Variants in FAM168A observed in about 807,000 individuals in gnomAD.
FAM168A encodes the protein protein FAM168A.
Under a neutral mutation model 28.5 loss-of-function variants are expected in FAM168A, and 3 were observed. The observed-to-expected ratio is 0.11, with a 90% CI of 0.05 to 0.27. The LOEUF (loss-of-function observed/expected upper bound fraction) is 0.27. Among genes scored for constraint, FAM168A ranks in the 10% least tolerant of loss-of-function variants. FAM168A has a pLI of 1.00. For synonymous variants in FAM168A, 122 were observed against 124.2 expected (o/e 0.98, Z 0.12); for missense variants, 222 against 311.5 (o/e 0.71, Z 2.16).
At chr11:73,574,815 C>T (rs1944152584) in intron 1 of FAM168A, among the ~76,000 whole-genome samples, 1 of 149,838 alleles carries the variant, frequency 6.7e-6, no homozygotes, top group South Asian at 2.1e-4. Flanking sequence ...CCGCTCATCT[C>T]AGCCTCCCAA....
In FAM168A at chr11:73,520,156, C is replaced by T. The variant is rs1223739735; in HGVS notation, c.-18-51664G>A. 3.3e-5 allele frequency among the ~76,000 whole-genome samples: 5 copies of T among 152,156 alleles called. No individual in the cohort carries two copies. In the East Asian group the frequency reaches 9.7e-4, roughly 29 times the overall value. Reference sequence around the variant, plus strand: ...TGCCTCCCTGGTTCAAGCAATTCTCCTGCCTCAGCTTCCTAAGTAGCTGGG... The same window carrying T: ...TGCCTCCCTGGTTCAAGCAATTCTCTTGCCTCAGCTTCCTAAGTAGCTGGG... On this transcript the variant is annotated intron_variant, in intron 1 of 7. Transcript: ENST00000356467.
chr11:73,521,712 G>A (rs1943383034), intron 1 of FAM168A, among the ~76,000 whole-genome samples: 1 of 152,132 alleles, frequency 6.6e-6, no homozygotes, highest in Non-Finnish European at 1.5e-5. Flanking sequence ...CGGGGAAGGG[G>A]ACAATCTAGT....
chr11:73,433,710 C>T (rs1417080272), intron 2 of FAM168A, among the ~76,000 whole-genome samples: 2 of 152,104 alleles, frequency 1.3e-5, no homozygotes, highest in African/African-American at 4.8e-5. Flanking sequence ...TAACCATTGC[C>T]TGTTTTAGTT....
chr11:73,457,770 G>GAA (rs57333728), intron 2 of FAM168A, among the ~76,000 whole-genome samples: 6 of 106,954 alleles, frequency 5.6e-5, no homozygotes, highest in Admixed American at 3.9e-4. Context: ...AGAAAGAAAA[G>GAA]AAAAAAAAGG....
At chr11:73,594,392 C>A (rs1489901088) in intron 1 of FAM168A, among the ~76,000 whole-genome samples, 18 of 151,924 alleles carry the variant, frequency 1.2e-4, no homozygotes. Flanking sequence ...AGCCACTATG[C>A]CTGGCCAGTT....
intron 2 of FAM168A, among the ~76,000 whole-genome samples, chr11:73,451,336 C>T (rs1424367108): frequency 2.6e-5 from 4 of 152,190 alleles, no homozygotes; most frequent in African/African-American, 9.7e-5. Context: ...TCCAAACTCT[C>T]AGGTCAATTT....
chr11:73,527,613 CATT>C (rs1943464288), intron 1 of FAM168A, among the ~76,000 whole-genome samples: 2 of 152,026 alleles, frequency 1.3e-5, no homozygotes, highest in South Asian at 2.1e-4. Flanking sequence ...TTGCTATTGT[CATT>C]ATTATCATTA....
At chr11:73,484,728 A>C (rs915244481) in intron 1 of FAM168A, among the ~76,000 whole-genome samples, 3 of 145,164 alleles carry the variant, frequency 2.1e-5, no homozygotes, top group African/African-American at 7.5e-5. Context: ...ATATAGATAT[A>C]TATCGATATA....
chr11:73,564,555 A>T (rs973991966), intron 1 of FAM168A, among the ~76,000 whole-genome samples: 2 of 151,702 alleles, frequency 1.3e-5, no homozygotes, highest in Non-Finnish European at 2.9e-5. Context: ...TGGCTAACAC[A>T]GTGAAACCCC....
Position 73,547,393 on chromosome 11 carries a change from T to A in FAM168A, c.-19+50530A>T, listed in dbSNP as rs769906969. Among the ~76,000 whole-genome samples the A allele has an allele frequency of 4.6e-5, 7 of 152,126 alleles. No individual in the cohort carries two copies. The South Asian group carries it at 1.5e-3, about 32-fold the overall frequency. On this transcript the variant is annotated intron_variant, in intron 1 of 7. Transcript: ENST00000356467. ...GGATATGGAGAAACTAGAACCCTTG[T>A]GTGCTGTTGGTGGGAACATAAAATG... is the stretch of plus-strand genomic sequence containing the variant.
At position 73,417,628 on chromosome 11, in the gene FAM168A, C is replaced by T. The variant is rs1027040659; in HGVS notation, c.277+2246G>A. ...AGGCTGTAGTGCAATGGCGCAATCT[C>T]GGCTCACTGCCAGCTCCGTCTTCTG... On this transcript the variant is annotated intron_variant, in intron 4 of 7. Coordinates refer to ENST00000356467, the MANE Select transcript of FAM168A (RefSeq NM_015159.3). Among the ~76,000 whole-genome samples the T allele has an allele frequency of 5.2e-4, 77 of 148,548 alleles. 1 individual carries two copies. Among genetic ancestry groups the T allele is most frequent in the African/African-American group, 1.8e-3 (74 of 40,164 alleles).
chr11:73,572,116 T>C (rs919768432), intron 1 of FAM168A, among the ~76,000 whole-genome samples: 30 of 146,300 alleles, frequency 2.1e-4, no homozygotes, highest in Non-Finnish European at 3.3e-4. Flanking sequence ...GTCTGGGAAG[T>C]GAGGAGCGTT....
chr11:73,453,117 G>A (rs556738458), intron 2 of FAM168A, among the ~76,000 whole-genome samples: 1 of 152,224 alleles, frequency 6.6e-6, no homozygotes, highest in South Asian at 2.1e-4. Flanking sequence ...CATCAATCCA[G>A]AGATGAATTC....
At chr11:73,439,624 C>G (rs1164802853) in intron 2 of FAM168A, among the ~76,000 whole-genome samples, 1 of 152,046 alleles carries the variant, frequency 6.6e-6, no homozygotes, top group Non-Finnish European at 1.5e-5. Flanking sequence ...AATATCTCTG[C>G]AGTTCCCTAT....
chr11:73,427,360 G>A (rs1259584043), intron 3 of FAM168A, among the ~76,000 whole-genome samples: 2 of 147,104 alleles, frequency 1.4e-5, no homozygotes, highest in Non-Finnish European at 1.5e-5. Flanking sequence ...CTTTTTGCTT[G>A]TTTTAAAATT....
intron 4 of FAM168A, among the ~76,000 whole-genome samples, chr11:73,417,887 A>C (rs998413767): frequency 6.6e-6 from 1 of 152,038 alleles, no homozygotes; most frequent in Non-Finnish European, 1.5e-5. Context: ...GAGTAAAATC[A>C]ATCTCATGAG....
intron 1 of FAM168A, among the ~76,000 whole-genome samples, chr11:73,584,450 A>ACCAT (rs1944284197): frequency 6.8e-6 from 1 of 147,602 alleles, no homozygotes; most frequent in African/African-American, 2.5e-5. Context: ...GGTGTGAGCC[A>ACCAT]CCATGGCTGG....
chr11:73,466,514 G>A (rs1867738646), intron 2 of FAM168A, among the ~76,000 whole-genome samples: 1 of 151,930 alleles, frequency 6.6e-6, no homozygotes. Flanking sequence ...TTAATATATA[G>A]TACCTAGTAT....
intron 2 of FAM168A, among the ~76,000 whole-genome samples, chr11:73,457,723 CAAAAAAAAAAAAA>C (rs58142151): frequency 1.1e-3 from 42 of 37,542 alleles, no homozygotes; most frequent in Admixed American, 5.5e-3. Flanking sequence ...GCCTGGGTGA[CAAAAAAAAAAAAA>C]AAAAAAAAAA....
Sources: allele counts gnomAD v4.1 joint callset (sites outside exome capture counted in the v4.1 genomes callset), GRCh38; gene constraint gnomAD v4.1.1; transcripts MANE v1.5; gene names NCBI Gene and HGNC (gene_info 2026-07-23, HGNC 2026-07-21).